GNS: variants seen among roughly 807,000 people sequenced by gnomAD.
GNS encodes the protein glucosamine (N-acetyl)-6-sulfatase.
In GNS, 40 loss-of-function variants were observed where a neutral mutation model predicts 69.7. The observed-to-expected ratio is 0.57, with a 90% CI of 0.45 to 0.75. The LOEUF is 0.75. Among genes scored for constraint, GNS ranks in the 30% least tolerant of loss-of-function variants. The pLI is 0.00. For missense variants in GNS, 565 were observed against 685.5 expected, an observed-to-expected ratio of 0.82 and a Z score of 1.96; for synonymous variants, 243 against 251.6, an observed-to-expected ratio of 0.97 and a Z score of 0.32.
chr12:64,755,865 CGCCATGCTG>C (rs1870235740), intron 1 of GNS, among the ~76,000 whole-genome samples: 1 of 151,644 alleles, frequency 6.6e-6, no homozygotes, highest in Non-Finnish European at 1.5e-5. Flanking sequence ...TTTAGGGTTT[CGCCATGCTG>C]GCCAGGCTGG....
chr12:64,724,478 A>C (rs996389925), intron 10 of GNS, among the ~76,000 whole-genome samples: 1 of 152,188 alleles, frequency 6.6e-6, no homozygotes, highest in Admixed American at 6.5e-5. Flanking sequence ...GATAGGAATT[A>C]TTTCCTAACT....
chr12:64,743,812 T>TA (rs1197071542), intron 5 of GNS, among the ~76,000 whole-genome samples: 3 of 152,252 alleles, frequency 2.0e-5, no homozygotes, highest in Non-Finnish European at 2.9e-5. Context: ...ACTAGGGTTT[T>TA]AATACATGGA....
At position 64,715,971 on chromosome 12, in the gene GNS, C is replaced by G. The variant is rs991065483; in HGVS notation, c.*770G>C. On this transcript the variant is annotated 3_prime_UTR_variant, in exon 14 of 14. Transcript: ENST00000258145. ...GGAGTCTCAAGAGAAGGGACCTTGC[C>G]TTAATCCTTCCAGTGTTAACTGGCA... 1 of 152,780 alleles carries G rather than the reference C, an allele frequency of 6.5e-6. No individual in the cohort carries two copies. The highest frequency in any genetic ancestry group is 2.4e-5 in the African/African-American group (1 of 41,436). 9.5% of individuals were successfully genotyped at this position (152,780 alleles called of 1,614,324 possible). A position where few individuals can be genotyped will look rare whatever the true frequency, so the allele number is the denominator to read the frequency against.
At chr12:64,731,291 G>T (rs1869382483) in intron 9 of GNS, among the ~76,000 whole-genome samples, 1 of 152,178 alleles carries the variant, frequency 6.6e-6, no homozygotes, top group Non-Finnish European at 1.5e-5. Flanking sequence ...TGCCTGGGCT[G>T]GTCTCAAACT....
intron 1 of GNS, among the ~76,000 whole-genome samples, chr12:64,755,351 G>T (rs1870215342): frequency 6.6e-6 from 1 of 152,050 alleles, no homozygotes; most frequent in South Asian, 2.1e-4. Context: ...GCTGAAGTGG[G>T]CGGATCACTT....
intron 9 of GNS, among the ~76,000 whole-genome samples, chr12:64,731,070 G>A (rs1278313560): frequency 6.6e-6 from 1 of 152,082 alleles, no homozygotes; most frequent in African/African-American, 2.4e-5. Flanking sequence ...GTGGGGGGAA[G>A]CTCTTTTTTG....
chr12:64,720,461 G>C (rs1592491286), intron 12 of GNS, among the ~76,000 whole-genome samples: 3 of 152,316 alleles, frequency 2.0e-5, no homozygotes, highest in East Asian at 3.9e-4. Flanking sequence ...GCAGAGGCAA[G>C]AGAGGGTATG....
In GNS at chr12:64,736,115, A is replaced by T. The variant is rs116489777; in HGVS notation, c.1098+889T>A. ...AACTGGGACTGAAACTGAAATTGTG[A>T]TATCAGGAAGGAGAGAAGACATAGC... On this transcript the variant is annotated intron_variant, in intron 9 of 13. Coordinates refer to ENST00000258145, the MANE Select transcript of GNS (RefSeq NM_002076.4). Among the ~76,000 whole-genome samples the T allele has an allele frequency of 3.9e-3, 588 of 152,324 alleles. 1 individual carries two copies. Among genetic ancestry groups the T allele is most frequent in the African/African-American group, 0.014 (564 of 41,580 alleles).
At chr12:64,738,279 G>A (rs973702726) in intron 8 of GNS, among the ~76,000 whole-genome samples, 1 of 152,132 alleles carries the variant, frequency 6.6e-6, no homozygotes, top group Non-Finnish European at 1.5e-5. Flanking sequence ...CAAAGTGCTG[G>A]GATTATAGGT....
chr12:64,738,487 G>A (rs564770696), intron 8 of GNS, among the ~76,000 whole-genome samples: 1 of 152,288 alleles, frequency 6.6e-6, no homozygotes, highest in Admixed American at 6.5e-5. Flanking sequence ...GGATAATGGA[G>A]GTTATTTTAC....
rs1193304369 is a variant in GNS at position 64,714,172 on chromosome 12, G to C, written c.*2569C>G. On this transcript the variant is annotated 3_prime_UTR_variant, in exon 14 of 14. Coordinates refer to ENST00000258145, the MANE Select transcript of GNS (RefSeq NM_002076.4). ...AACAGCACCATTTGTCAAATTCAAA[G>C]ATGCTCAAAAGGTGTTCCCTACTTT... The C allele has an allele frequency of 1.3e-5, 2 of 152,172 alleles. No homozygotes were observed. The highest frequency in any genetic ancestry group is 2.9e-5 in the Non-Finnish European group (2 of 68,038). 9.4% of individuals were successfully genotyped at this position (152,172 alleles called of 1,614,324 possible).
At chr12:64,735,065 G>A (rs1376308027) in intron 9 of GNS, among the ~76,000 whole-genome samples, 1 of 152,082 alleles carries the variant, frequency 6.6e-6, no homozygotes, top group African/African-American at 2.4e-5. Flanking sequence ...AGCTGAGATC[G>A]CACCACTGCA....
At chr12:64,733,297 C>CAAAAAAAA (rs961321163) in intron 9 of GNS, among the ~76,000 whole-genome samples, 2 of 26,638 alleles carry the variant, frequency 7.5e-5, no homozygotes, top group African/African-American at 2.2e-4. Flanking sequence ...GACCCTGTCT[C>CAAAAAAAA]AAAAAAAAAA....
intron 11 of GNS, chr12:64,722,739 A>T (rs1869071313): frequency 2.3e-6 from 1 of 430,634 alleles, no homozygotes; most frequent in Admixed American, 3.6e-5. Context: ...GGGTAGAAAA[A>T]CAGGGAAGAG....
chr12:64,723,434 C>G (rs1565881139), intron 10 of GNS, among the ~76,000 whole-genome samples: 1 of 152,140 alleles, frequency 6.6e-6, no homozygotes, highest in Admixed American at 6.5e-5. Context: ...TGCTGAAAGT[C>G]CAGACTAGAA....
Position 64,759,404 on chromosome 12 carries a change from G to C in GNS, c.-128C>G. 1 of 652,902 alleles carries C rather than the reference G, an allele frequency of 1.5e-6. No homozygotes were observed. The highest frequency in any genetic ancestry group is 2.6e-6 in the Non-Finnish European group (1 of 386,760). 40.4% of individuals were successfully genotyped at this position (652,902 alleles called of 1,614,324 possible). ...CCTTGAAGGCCGGTGGCTGGAGTCA[G>C]ACGTTTTCTCCCTAGGCGCGATCAC... On this transcript the variant is annotated 5_prime_UTR_variant, in exon 1 of 14. Transcript: ENST00000258145.
At chr12:64,739,634 C>T (rs904031844) in intron 7 of GNS, 135 bp from the exon 8 acceptor site, 49 of 631,336 alleles carry the variant, frequency 7.8e-5, no homozygotes, top group Non-Finnish European at 1.2e-4. Context: ...AAACAACCCC[C>T]GTTTAAAAAA....
intron 1 of GNS, among the ~76,000 whole-genome samples, chr12:64,753,552 C>T (rs1870147547): frequency 6.6e-6 from 1 of 152,150 alleles, no homozygotes; most frequent in African/African-American, 2.4e-5. Flanking sequence ...TGGGTCAGTT[C>T]ACGATGATTC....
chr12:64,742,860 G>C (rs2136247403), intron 6 of GNS, among the ~76,000 whole-genome samples: 1 of 152,340 alleles, frequency 6.6e-6, no homozygotes, highest in Non-Finnish European at 1.5e-5. Context: ...AGTCAGCACA[G>C]AGGTTACCAG....
Sources: allele counts gnomAD v4.1 joint callset (sites outside exome capture counted in the v4.1 genomes callset), GRCh38; gene constraint gnomAD v4.1.1; transcripts MANE v1.5; gene names NCBI Gene and HGNC (gene_info 2026-07-23, HGNC 2026-07-21).